NRXN3: variants seen among roughly 807,000 people sequenced by gnomAD.
NRXN3 encodes neurexin 3.
A neutral mutation model predicts 137.6 loss-of-function variants in NRXN3; 32 were observed. That is an observed-to-expected ratio of 0.23 (90% CI 0.18 to 0.31). The LOEUF is 0.31. Ranked by LOEUF, NRXN3 falls within the 10% of genes least tolerant of loss-of-function variation. NRXN3 has a pLI of 1.00. For synonymous variants in NRXN3, 798 were observed against 784.5 expected, an observed-to-expected ratio of 1.02 and a Z score of -0.29; for missense variants, 1,574 against 2,062.5, an observed-to-expected ratio of 0.76 and a Z score of 4.59.
chr14:78,925,096 T>C (rs752492382), intron 10 of NRXN3, among the ~76,000 whole-genome samples: 5 of 152,216 alleles, frequency 3.3e-5, no homozygotes, highest in Non-Finnish European at 5.9e-5. Context: ...GCTGACTCAT[T>C]TGAGCGTTCT....
chr14:79,778,420 CA>C (rs759794241), intron 19 of NRXN3, among the ~76,000 whole-genome samples: 2 of 151,678 alleles, frequency 1.3e-5, no homozygotes, highest in South Asian at 4.2e-4. Flanking sequence ...TGTCTCAAAA[CA>C]AAAAAACAAA....
At chr14:79,332,624 G>A (rs763057863) in intron 15 of NRXN3, among the ~76,000 whole-genome samples, 2 of 152,092 alleles carry the variant, frequency 1.3e-5, no homozygotes, top group Non-Finnish European at 2.9e-5. Flanking sequence ...TTCTCTAAAC[G>A]GACTCAAACA....
intron 15 of NRXN3, among the ~76,000 whole-genome samples, chr14:79,386,898 T>C (rs2094639297): frequency 6.6e-6 from 1 of 152,200 alleles, no homozygotes. Context: ...TGGCTAGCCA[T>C]ATGTAGAAAG....
chr14:79,536,153 A>T (rs1249127042), intron 16 of NRXN3, among the ~76,000 whole-genome samples: 2 of 152,194 alleles, frequency 1.3e-5, no homozygotes, highest in Non-Finnish European at 2.9e-5. Context: ...AAAGAAAGAA[A>T]TGTAGGATCC....
intron 15 of NRXN3, among the ~76,000 whole-genome samples, chr14:79,151,194 C>G (rs753598747): frequency 2.0e-5 from 3 of 152,000 alleles, no homozygotes; most frequent in Non-Finnish European, 2.9e-5. Context: ...TATTAAGCCT[C>G]TATTACTCCA....
At chr14:79,435,827 T>C (rs1477048918) in intron 15 of NRXN3, among the ~76,000 whole-genome samples, 1 of 151,846 alleles carries the variant, frequency 6.6e-6, no homozygotes, top group Non-Finnish European at 1.5e-5. Context: ...AGAGATGAGG[T>C]CTCCCTGTGT....
chr14:79,042,610 T>A (rs934677870), intron 15 of NRXN3, among the ~76,000 whole-genome samples: 1 of 152,218 alleles, frequency 6.6e-6, no homozygotes, highest in Non-Finnish European at 1.5e-5. Context: ...ATAAATAGAA[T>A]GGGAGTATGT....
intron 15 of NRXN3, among the ~76,000 whole-genome samples, chr14:79,318,616 G>A (rs2089387937): frequency 6.6e-6 from 1 of 152,166 alleles, no homozygotes; most frequent in African/African-American, 2.4e-5. Context: ...AGGAAGTGTT[G>A]GCGAGTAATA....
chr14:78,875,662 T>C (rs755830251), intron 10 of NRXN3, among the ~76,000 whole-genome samples: 1 of 152,248 alleles, frequency 6.6e-6, no homozygotes, highest in South Asian at 2.1e-4. Context: ...AAATAAGTGA[T>C]TTTAAAATGT....
chr14:78,703,419 CT>C (rs1344527797), intron 6 of NRXN3, among the ~76,000 whole-genome samples: 1 of 152,144 alleles, frequency 6.6e-6, no homozygotes, highest in East Asian at 1.9e-4. Context: ...CTTAGTCATT[CT>C]TTTACCCTGA....
At chr14:78,373,406 CTGATA>C (rs1171111299) in intron 4 of NRXN3, among the ~76,000 whole-genome samples, 4 of 152,196 alleles carry the variant, frequency 2.6e-5, no homozygotes, top group Admixed American at 1.3e-4. Context: ...AGCTGCTGAG[CTGATA>C]TTCCACCTGT....
intron 15 of NRXN3, among the ~76,000 whole-genome samples, chr14:79,267,692 A>G (rs2078652720): frequency 6.6e-6 from 1 of 152,050 alleles, no homozygotes; most frequent in Non-Finnish European, 1.5e-5. Flanking sequence ...CATGTTGGCC[A>G]GGCTGGTCTT....
In NRXN3 at chr14:79,002,934, G is replaced by T. The variant is rs147390773; in HGVS notation, c.3262+14793G>T. Among the ~76,000 whole-genome samples, 796 of 152,200 alleles carry T rather than the reference G, an allele frequency of 5.2e-3. 11 individuals are homozygous for T. Among genetic ancestry groups the T allele is most frequent in the South Asian group, 0.024 (117 of 4,804 alleles). ...TTAGAAACCTAAGTAGGTTTTGGAG[G>T]ACCTACTACCTTTACTTAAACATCC... On this transcript the variant is annotated intron_variant, in intron 15 of 20. Transcript: ENST00000335750.
intron 4 of NRXN3, among the ~76,000 whole-genome samples, chr14:78,418,985 CT>C (rs970758753): frequency 7.2e-5 from 11 of 152,234 alleles, no homozygotes; most frequent in Non-Finnish European, 1.3e-4. Context: ...AACATTTACA[CT>C]AACAAGTGCA....
chr14:79,673,493 A>T (rs991488422), intron 17 of NRXN3, among the ~76,000 whole-genome samples: 1 of 152,130 alleles, frequency 6.6e-6, no homozygotes, highest in African/African-American at 2.4e-5. Flanking sequence ...CAAAAAATTT[A>T]TATTGCACTT....
chr14:79,496,386 A>G (rs561620149), intron 16 of NRXN3, among the ~76,000 whole-genome samples: 2 of 152,196 alleles, frequency 1.3e-5, no homozygotes, highest in Admixed American at 6.5e-5. Context: ...CTGTGGTGAA[A>G]ATAGATTCCC....
intron 10 of NRXN3, among the ~76,000 whole-genome samples, chr14:78,913,199 A>G (rs2099244148): frequency 6.7e-6 from 1 of 150,218 alleles, no homozygotes. Flanking sequence ...TCCTTACATT[A>G]TAGATGATGT....
chr14:78,676,282 G>T lies in NRXN3; in HGVS notation c.1221+24956G>T, dbSNP rs1047984999. 8.5e-5 allele frequency among the ~76,000 whole-genome samples: 13 copies of T among 152,186 alleles called. No individual in the cohort carries two copies. The East Asian group carries it at 2.5e-3, about 29-fold the overall frequency. Reference sequence around the variant, plus strand: ...AGGCCTTTTAGGCCTAGCTGTAAAGGCCTAAAAGTTAGCCAAGCTGTAAAG... The same window carrying T: ...AGGCCTTTTAGGCCTAGCTGTAAAGTCCTAAAAGTTAGCCAAGCTGTAAAG... On this transcript the variant is annotated intron_variant, in intron 6 of 20. Transcript: ENST00000335750.
intron 10 of NRXN3, among the ~76,000 whole-genome samples, chr14:78,896,497 C>T (rs1029544468): frequency 1.3e-5 from 2 of 151,624 alleles, no homozygotes; most frequent in African/African-American, 2.4e-5. Context: ...ACAATGATGC[C>T]TAGGGTTTCA....
Sources: gnomAD v4.1 joint callset for allele counts (sites outside exome capture counted in the v4.1 genomes callset) on GRCh38, gnomAD v4.1.1 for gene constraint, MANE v1.5 for transcripts, NCBI Gene and HGNC (gene_info 2026-07-23, HGNC 2026-07-21) for gene names.